GALNT10: variants seen among roughly 807,000 people sequenced by gnomAD.
GALNT10 encodes the protein GalNAc transferase 10.
A neutral mutation model predicts 75.0 loss-of-function variants in GALNT10; 41 were observed. That is an observed-to-expected ratio of 0.55 (90% CI 0.43 to 0.71). The LOEUF is 0.71. GALNT10 is among the 30% of genes least tolerant of loss of function. GALNT10 has a pLI of 0.00. For synonymous variants in GALNT10, 302 were observed against 313.0 expected, an observed-to-expected ratio of 0.96 and a Z score of 0.37; for missense variants, 727 against 818.5, an observed-to-expected ratio of 0.89 and a Z score of 1.36.
In GALNT10 at chr5:154,298,741, A is replaced by G. The variant is rs1396422976; in HGVS notation, c.401+662A>G. ...AAAACTATACTCTGGACCTTAAGTTATCCTGCCTCCCTGTACATTTTCAGT... is the reference window on the plus strand; with the variant it reads ...AAAACTATACTCTGGACCTTAAGTTGTCCTGCCTCCCTGTACATTTTCAGT... On this transcript the variant is annotated intron_variant, in intron 3 of 11. Transcript: ENST00000297107. The surrounding 1 kb of genome is among the most constrained non-coding windows in gnomAD (Gnocchi z 4.1). Among the ~76,000 whole-genome samples the G allele has an allele frequency of 6.6e-6, 1 of 152,204 alleles. No individual in the cohort carries two copies. The highest frequency in any genetic ancestry group is 6.5e-5 in the Admixed American group (1 of 15,286).
intron 4 of GALNT10, among the ~76,000 whole-genome samples, chr5:154,336,174 T>C (rs549419704): frequency 1.3e-5 from 2 of 152,354 alleles, no homozygotes; most frequent in African/African-American, 4.8e-5. Flanking sequence ...CTCATTTCTT[T>C]TTAGTGCTGA....
At chr5:154,310,811 CCTT>C (rs1371045354) in intron 3 of GALNT10, among the ~76,000 whole-genome samples, 1 of 152,242 alleles carries the variant, frequency 6.6e-6, no homozygotes, top group East Asian at 1.9e-4. Context: ...CAGCTCTTCT[CCTT>C]TGAAATTAAA....
chr5:154,291,669 A>G (rs926260158), intron 1 of GALNT10, among the ~76,000 whole-genome samples: 3 of 152,158 alleles, frequency 2.0e-5, no homozygotes, highest in African/African-American at 7.2e-5. Context: ...AACATCTACC[A>G]TTGGCCCTTA....
intron 1 of GALNT10, among the ~76,000 whole-genome samples, chr5:154,225,818 T>C (rs1169388491): frequency 3.3e-5 from 5 of 151,558 alleles, no homozygotes; most frequent in Admixed American, 6.6e-5. Context: ...TTTTTTCTCA[T>C]TTTACTTTTT....
intron 1 of GALNT10, among the ~76,000 whole-genome samples, chr5:154,272,460 G>A (rs998873415): frequency 4.6e-5 from 7 of 152,070 alleles, no homozygotes; most frequent in Non-Finnish European, 8.8e-5. Context: ...GGATAACAGG[G>A]AGGGGAATTG....
chr5:154,214,481 A>G (rs78821619), intron 1 of GALNT10, among the ~76,000 whole-genome samples: 1 of 152,128 alleles, frequency 6.6e-6, no homozygotes, highest in African/African-American at 2.4e-5. Context: ...GAGAAAAAAA[A>G]CCCCAAACCT....
At chr5:154,344,101 A>G (rs917378245) in intron 4 of GALNT10, among the ~76,000 whole-genome samples, 1 of 152,074 alleles carries the variant, frequency 6.6e-6, no homozygotes, top group Non-Finnish European at 1.5e-5. Flanking sequence ...TGGGATGTGC[A>G]TCTATGCTCA....
chr5:154,203,216 C>T (rs1209220048), intron 1 of GALNT10, among the ~76,000 whole-genome samples: 3 of 152,178 alleles, frequency 2.0e-5, no homozygotes, highest in African/African-American at 7.2e-5. Flanking sequence ...GGCCTCTCCC[C>T]TCTCTGTCTG....
chr5:154,194,026 C>G (rs1247010987), intron 1 of GALNT10, among the ~76,000 whole-genome samples: 1 of 152,230 alleles, frequency 6.6e-6, no homozygotes, highest in Admixed American at 6.5e-5. Context: ...AAGCCCCAAT[C>G]TGTTTAACAT....
intron 1 of GALNT10, among the ~76,000 whole-genome samples, chr5:154,242,326 C>T (rs927581866): frequency 7.2e-5 from 11 of 152,136 alleles, no homozygotes; most frequent in African/African-American, 2.2e-4. Context: ...CTCCTGAGGC[C>T]GCACTTTTCT....
chr5:154,346,009 G>T (rs2113137170), intron 4 of GALNT10, among the ~76,000 whole-genome samples: 1 of 146,246 alleles, frequency 6.8e-6, no homozygotes, highest in Admixed American at 7.0e-5. Flanking sequence ...ATGTTGCCTA[G>T]GCTGGTCTTG....
chr5:154,345,138 A>C (rs983278875), intron 4 of GALNT10, among the ~76,000 whole-genome samples: 2 of 152,074 alleles, frequency 1.3e-5, no homozygotes, highest in Admixed American at 1.3e-4. Context: ...ATCAAAACTC[A>C]TCCTCCCCCC....
At chr5:154,347,366 A>G (rs1266043200) in intron 4 of GALNT10, 1 of 364,416 alleles carries the variant, frequency 2.7e-6, no homozygotes. Flanking sequence ...ATAACTTATA[A>G]GGATTTTTTT....
At chr5:154,338,740 T>C (rs1754984038) in intron 4 of GALNT10, among the ~76,000 whole-genome samples, 1 of 152,250 alleles carries the variant, frequency 6.6e-6, no homozygotes. Context: ...CATTGTGAAA[T>C]GACTACCCAT....
intron 1 of GALNT10, among the ~76,000 whole-genome samples, chr5:154,253,938 G>T (rs1581940646): frequency 6.6e-6 from 1 of 152,152 alleles, no homozygotes; most frequent in East Asian, 1.9e-4. Context: ...GAGTGAGGTG[G>T]CCCCGTCCCC....
At chr5:154,215,236 A>G (rs1752847214) in intron 1 of GALNT10, among the ~76,000 whole-genome samples, 1 of 152,070 alleles carries the variant, frequency 6.6e-6, no homozygotes, top group South Asian at 2.1e-4. Flanking sequence ...TAATCCCAGC[A>G]CTTTGGGAGG....
intron 4 of GALNT10, among the ~76,000 whole-genome samples, chr5:154,338,662 C>T (rs1162119861): frequency 6.6e-6 from 1 of 152,200 alleles, no homozygotes; most frequent in East Asian, 1.9e-4. Context: ...GTGAAGTGAA[C>T]ATTTAATCAT....
At chr5:154,317,572 A>G (rs1328004582) in intron 3 of GALNT10, among the ~76,000 whole-genome samples, 1 of 152,212 alleles carries the variant, frequency 6.6e-6, no homozygotes, top group African/African-American at 2.4e-5. Context: ...GTTCTCCTAT[A>G]GCAGACAGAA....
intron 4 of GALNT10, among the ~76,000 whole-genome samples, chr5:154,353,334 A>C (rs1198949705): frequency 6.6e-6 from 1 of 152,124 alleles, no homozygotes; most frequent in East Asian, 1.9e-4. Flanking sequence ...TACCATACTC[A>C]ATTTAATCAT....
Sources: allele counts gnomAD v4.1 joint callset (sites outside exome capture counted in the v4.1 genomes callset), GRCh38; gene constraint gnomAD v4.1.1; non-coding constraint Gnocchi (gnomAD v3.1); transcripts MANE v1.5; gene names NCBI Gene and HGNC (gene_info 2026-07-23, HGNC 2026-07-21).